The following PRMT9 variants were observed in gnomAD, a reference collection of about 807,000 sequenced individuals.
PRMT9 encodes protein arginine methyltransferase 9.
A neutral mutation model predicts 83.2 loss-of-function variants in PRMT9; 59 were observed. The observed-to-expected ratio is 0.71, with a 90% CI of 0.57 to 0.88. The LOEUF is 0.88. Among genes scored for constraint, PRMT9 ranks in the 40% least tolerant of loss-of-function variants. The probability of loss-of-function intolerance (pLI) is 0.00; values close to 1 mark genes in which losing one functional copy is unlikely to be tolerated. For missense variants in PRMT9, 947 were observed against 1,021.9 expected (o/e 0.93, Z 1.00); for synonymous variants, 333 against 353.2 (o/e 0.94, Z 0.64).
chr4:147,667,473 A>G (rs1735419740), intron 6 of PRMT9, among the ~76,000 whole-genome samples: 1 of 152,220 alleles, frequency 6.6e-6, no homozygotes, highest in Non-Finnish European at 1.5e-5. Context: ...CTAATATTCA[A>G]CCAGTACATT....
chr4:147,659,037 G>C (rs1734737214), intron 7 of PRMT9, among the ~76,000 whole-genome samples: 1 of 152,100 alleles, frequency 6.6e-6, no homozygotes, highest in African/African-American at 2.4e-5. Flanking sequence ...AAAGTAGTCG[G>C]GCATGGTGGC....
intron 9 of PRMT9, among the ~76,000 whole-genome samples, chr4:147,645,622 T>TCTA (rs1284204095): frequency 2.0e-5 from 3 of 152,198 alleles, no homozygotes; most frequent in African/African-American, 7.2e-5. Context: ...TAAACAATAA[T>TCTA]CTAGTGTTCT....
rs146604661 is a variant in PRMT9, at chr4:147,676,221, C to G, written c.339-2347G>C. ...ACAACAGGTCACCAAAAGTTACAAT[C>G]TGTCAAAAGTATGTAGAGTTCCACT... On this transcript the variant is annotated intron_variant, in intron 2 of 11. Transcript: ENST00000322396. Among the ~76,000 whole-genome samples the G allele has an allele frequency of 9.7e-4, 147 of 152,278 alleles. 2 individuals are homozygous for G. Among genetic ancestry groups the G allele is most frequent in the Non-Finnish European group, 1.9e-3 (126 of 68,028 alleles).
At chr4:147,677,624 T>C (rs1400077006) in intron 2 of PRMT9, among the ~76,000 whole-genome samples, 1 of 151,990 alleles carries the variant, frequency 6.6e-6, no homozygotes, top group East Asian at 1.9e-4. Flanking sequence ...CGTTTACTTT[T>C]TGCATTTTTT....
rs562461242 is a variant in PRMT9, at chr4:147,673,468, T to C, written c.575+170A>G. ...TCCCAAATTTTTCTTAGCAGTTATG[T>C]CCAGTTCTTGATAAAAGTTATAGTA... On this transcript the variant is annotated intron_variant, in intron 3 of 11. Transcript: ENST00000322396. 1.5e-3 allele frequency among the ~76,000 whole-genome samples: 225 copies of C among 152,312 alleles called. 1 individual carries two copies. The highest frequency in any genetic ancestry group is 5.0e-3 in the African/African-American group (206 of 41,562).
Position 147,653,899 on chromosome 4 carries a change from T to C in PRMT9, c.1998A>G (p.Pro666=), listed in dbSNP as rs80141801. Residue 666 remains proline, a synonymous_variant, in exon 9 of 12, where the codon CCA becomes CCG. Coordinates refer to ENST00000322396, the MANE Select transcript of PRMT9 (RefSeq NM_138364.4). ...WSIIILDVIE[P]SGLIQQEIME... ...TTATTTCCTGCTGAATGAGCCCAGA[T>C]GGCTCAATGACATCCAATATAATTA... The C allele has an allele frequency of 2.1e-4, 338 of 1,614,140 alleles. No individual in the cohort carries two copies. In the African/African-American group the frequency reaches 3.9e-3, roughly 19 times the overall value.
chr4:147,649,286 C>T (rs116462974), intron 9 of PRMT9, among the ~76,000 whole-genome samples: 12 of 152,236 alleles, frequency 7.9e-5, no homozygotes, highest in African/African-American at 2.9e-4. Context: ...CCTTAATTCA[C>T]TAATGAGGGC....
rs767676759 is a variant in PRMT9 at position 147,653,919 on chromosome 4, T to C, written c.1978A>G (p.Ile660Val). 2 of 1,614,226 alleles carry C rather than the reference T, an allele frequency of 1.2e-6. No individual in the cohort carries two copies. The highest frequency in any genetic ancestry group is 1.7e-5 in the Admixed American group (1 of 60,026). Reference sequence around the variant, plus strand: ...CCAGATGGCTCAATGACATCCAATATAATTATGCTCCATAACTTGTCTGAT... The same window carrying C: ...CCAGATGGCTCAATGACATCCAATACAATTATGCTCCATAACTTGTCTGAT... ...PKSDKLWSII[I>V]LDVIEPSGLI... The change falls in exon 9 of 12, where the codon ATA becomes GTA. Residue 660 changes from isoleucine (I) to valine (V), a missense_variant. Transcript: ENST00000322396.
chr4:147,669,119 C>A lies in PRMT9; in HGVS notation c.847-474G>T, dbSNP rs538904602. ...AAAAAGTATTTTTGGCCAGGCCTGG[C>A]AGCTCACACCTGCAATTCCAGCACT... is the stretch of plus-strand genomic sequence containing the variant. On this transcript the variant is annotated intron_variant, in intron 5 of 11. Transcript: ENST00000322396. Among the ~76,000 whole-genome samples, 4 of 152,028 alleles carry A rather than the reference C, an allele frequency of 2.6e-5. No individual in the cohort carries two copies. In the South Asian group the frequency reaches 8.3e-4, roughly 32 times the overall value.
intron 11 of PRMT9, 77 bp from the exon 12 acceptor site, chr4:147,638,824 A>G (rs1733183594): frequency 7.2e-7 from 1 of 1,380,206 alleles, no homozygotes; most frequent in Non-Finnish European, 1.0e-6. Context: ...AGTTACTTTT[A>G]AATACAAAAA....
In PRMT9 at chr4:147,683,909, G is replaced by C; in HGVS notation, c.79C>G (p.Arg27Gly). The C allele has an allele frequency of 6.2e-7, 1 of 1,613,400 alleles. No individual in the cohort carries two copies. Among genetic ancestry groups the C allele is most frequent in the South Asian group, 1.1e-5 (1 of 91,078 alleles). The change falls in exon 1 of 12, where the codon CGG becomes GGG. Residue 27 changes from arginine to glycine, a missense_variant. Coordinates refer to ENST00000322396, the MANE Select transcript of PRMT9 (RefSeq NM_138364.4). ...GAAGRDELVSRSLQSAEHCLG... is the reference protein window; with the variant it reads ...GAAGRDELVSGSLQSAEHCLG... ...CAGTGCTCTGCGCTCTGCAAGGACC[G>C]CGACACCAGCTCGTCCCGGCCGGCT...
rs1735899328 is a variant in PRMT9, at chr4:147,673,877, A to G, written c.339-3T>C. Reference sequence around the variant, plus strand: ...CTGCTTCATCCCTAAAGCCCATTCTAGAGTAAAAAATGACAAAAGACAAAA... The same window carrying G: ...CTGCTTCATCCCTAAAGCCCATTCTGGAGTAAAAAATGACAAAAGACAAAA... On this transcript the variant is annotated splice_region_variant and splice_polypyrimidine_tract_variant and intron_variant, in intron 2 of 11. Coordinates refer to ENST00000322396, the MANE Select transcript of PRMT9 (RefSeq NM_138364.4). The G allele has an allele frequency of 6.2e-7, 1 of 1,610,782 alleles. No individual in the cohort carries two copies. Among genetic ancestry groups the G allele is most frequent in the Non-Finnish European group, 8.5e-7 (1 of 1,177,092 alleles).
chr4:147,680,319 A>C lies in PRMT9; in HGVS notation c.338+4T>G. On this transcript the variant is annotated splice_donor_region_variant and intron_variant, in intron 2 of 11. Coordinates refer to ENST00000322396, the MANE Select transcript of PRMT9 (RefSeq NM_138364.4). ...TAACAAGTAATACTAAAATCACTACAAACCTGAAGAGATGCTCCCCCATAC... is the reference window on the plus strand; with the variant it reads ...TAACAAGTAATACTAAAATCACTACCAACCTGAAGAGATGCTCCCCCATAC... 6.2e-7 allele frequency: 1 copy of C among 1,613,924 alleles called. No homozygotes were observed.
chr4:147,664,956 A>C (rs1210231870), intron 6 of PRMT9, among the ~76,000 whole-genome samples: 2 of 151,886 alleles, frequency 1.3e-5, no homozygotes, highest in Non-Finnish European at 2.9e-5. Flanking sequence ...TCTACTAAAA[A>C]AAAATACAAA....
Position 147,663,810 on chromosome 4 carries a change from T to C in PRMT9, c.954-2772A>G, listed in dbSNP as rs997315431. On this transcript the variant is annotated intron_variant, in intron 6 of 11. Transcript: ENST00000322396. ...TTTAATGTGTATCCTTCCATACCTT[T>C]TTTTAATATTTGTATATAACACTCT... is the stretch of plus-strand genomic sequence containing the variant. 4.6e-5 allele frequency among the ~76,000 whole-genome samples: 7 copies of C among 152,270 alleles called. 1 individual carries two copies. The highest frequency in any genetic ancestry group is 4.6e-4 in the Admixed American group (7 of 15,282).
intron 9 of PRMT9, among the ~76,000 whole-genome samples, chr4:147,647,109 G>A (rs983579724): frequency 8.6e-5 from 13 of 152,010 alleles, no homozygotes; most frequent in African/African-American, 2.9e-4. Context: ...ATTATGGGAG[G>A]AGCCTGAATT....
At chr4:147,679,044 C>A (rs1293458042) in intron 2 of PRMT9, among the ~76,000 whole-genome samples, 1 of 152,150 alleles carries the variant, frequency 6.6e-6, no homozygotes, top group Non-Finnish European at 1.5e-5. Flanking sequence ...CAACTTATTG[C>A]CAAATTCACC....
At chr4:147,656,894 T>G (rs1734545193) in intron 8 of PRMT9, among the ~76,000 whole-genome samples, 1 of 151,196 alleles carries the variant, frequency 6.6e-6, no homozygotes, top group Non-Finnish European at 1.5e-5. Context: ...CCCAAAGTAC[T>G]AGGGTTACAG....
intron 2 of PRMT9, among the ~76,000 whole-genome samples, chr4:147,679,678 G>A (rs931988836): frequency 1.2e-4 from 19 of 152,120 alleles, no homozygotes; most frequent in African/African-American, 4.6e-4. Flanking sequence ...AACCCAGAAG[G>A]TGGAGAGGTT....
Sources: gnomAD v4.1 joint callset for allele counts (sites outside exome capture counted in the v4.1 genomes callset) on GRCh38, gnomAD v4.1.1 for gene constraint, MANE v1.5 for transcripts, NCBI Gene and HGNC (gene_info 2026-07-23, HGNC 2026-07-21) for gene names.